TASP1: variants seen among roughly 807,000 people sequenced by gnomAD.
TASP1 encodes the protein taspase 1, also known as threonine aspartase 1.
Under a neutral mutation model 56.6 loss-of-function variants are expected in TASP1, and 16 were observed. The observed-to-expected ratio is 0.28, with a 90% CI of 0.19 to 0.43. The LOEUF is 0.43. Among genes scored for constraint, TASP1 ranks in the 20% least tolerant of loss-of-function variants. TASP1 has a pLI of 1.00. For missense variants in TASP1, 393 were observed against 511.6 expected, an observed-to-expected ratio of 0.77 and a Z score of 2.24; for synonymous variants, 179 against 184.2, an observed-to-expected ratio of 0.97 and a Z score of 0.23.
At chr20:13,539,830 G>T (rs564057454) in intron 8 of TASP1, among the ~76,000 whole-genome samples, 2 of 152,214 alleles carry the variant, frequency 1.3e-5, no homozygotes, top group East Asian at 1.9e-4. Flanking sequence ...GGTGGAAAAG[G>T]CAACAGTTTT....
intron 4 of TASP1, among the ~76,000 whole-genome samples, chr20:13,611,124 A>T (rs2048335059): frequency 6.6e-6 from 1 of 152,228 alleles, no homozygotes; most frequent in African/African-American, 2.4e-5. Flanking sequence ...ACAGCCATAA[A>T]TATTATCCAC....
chr20:13,522,701 T>A (rs1390967489), intron 10 of TASP1, among the ~76,000 whole-genome samples: 1 of 152,072 alleles, frequency 6.6e-6, no homozygotes, highest in South Asian at 2.1e-4. Flanking sequence ...GGAGATAAAA[T>A]TGTAGGAATC....
the TASP1 span, among the ~76,000 whole-genome samples, chr20:13,150,727 C>G: frequency 6.6e-6 from 1 of 152,238 alleles, no homozygotes; most frequent in East Asian, 1.9e-4. Context: ...ACAATCCATT[C>G]ATCTTTCCAG....
chr20:13,358,959 T>A, the TASP1 span, among the ~76,000 whole-genome samples: 3 of 150,772 alleles, frequency 2.0e-5, no homozygotes, highest in African/African-American at 7.4e-5. Context: ...TCTCCTTGTC[T>A]CTACCCCTTC....
chr20:13,410,613 C>T (rs1013667197), intron 13 of TASP1, among the ~76,000 whole-genome samples: 7 of 152,080 alleles, frequency 4.6e-5, no homozygotes, highest in Non-Finnish European at 1.0e-4. Flanking sequence ...GTCTGTTGGC[C>T]ATTTGTATGT....
At chr20:13,469,633 C>T (rs1259072731) in intron 11 of TASP1, among the ~76,000 whole-genome samples, 1 of 151,962 alleles carries the variant, frequency 6.6e-6, no homozygotes, top group Non-Finnish European at 1.5e-5. Context: ...AATGCATCCA[C>T]CATGTCAAAG....
chr20:13,106,846 T>C, the TASP1 span, among the ~76,000 whole-genome samples: 1 of 152,170 alleles, frequency 6.6e-6, no homozygotes, highest in African/African-American at 2.4e-5. Flanking sequence ...AGATCTAGGT[T>C]TGGAACTAGC....
At chr20:13,357,833 T>C in the TASP1 span, among the ~76,000 whole-genome samples, 1 of 152,122 alleles carries the variant, frequency 6.6e-6, no homozygotes. Flanking sequence ...TGCAACAACA[T>C]GGATGCATCT....
chr20:13,512,776 G>A lies in TASP1; in HGVS notation c.874+15657C>T, dbSNP rs2044384669. On this transcript the variant is annotated intron_variant, in intron 10 of 13. Transcript: ENST00000337743. ...TTTGATCCATCTTGAATTAATTTTTGTATAAAGTGTAAGGAAGGGATCCAG... is the reference window on the plus strand; with the variant it reads ...TTTGATCCATCTTGAATTAATTTTTATATAAAGTGTAAGGAAGGGATCCAG... 2.0e-5 allele frequency among the ~76,000 whole-genome samples: 3 copies of A among 152,122 alleles called. No homozygotes were observed. The South Asian group carries it at 6.2e-4, about 32-fold the overall frequency.
At chr20:13,266,068 A>G in the TASP1 span, among the ~76,000 whole-genome samples, 1 of 152,218 alleles carries the variant, frequency 6.6e-6, no homozygotes, top group Non-Finnish European at 1.5e-5. Context: ...ACTCCTTTGC[A>G]GCAGTTCTGT....
the TASP1 span, among the ~76,000 whole-genome samples, chr20:13,361,438 C>T: frequency 6.6e-6 from 1 of 152,088 alleles, no homozygotes; most frequent in Admixed American, 6.6e-5. Flanking sequence ...TTACGGTCCT[C>T]CATCTTCAAG....
At chr20:13,140,345 G>A in the TASP1 span, among the ~76,000 whole-genome samples, 1 of 152,034 alleles carries the variant, frequency 6.6e-6, no homozygotes, top group East Asian at 1.9e-4. Flanking sequence ...GTACTTTTGG[G>A]ACCATAGACG....
chr20:13,164,896 A>ACTT, the TASP1 span: 1 of 1,575,934 alleles, frequency 6.3e-7, no homozygotes, highest in Non-Finnish European at 8.7e-7. Context: ...ACACATAAAG[A>ACTT]CTTTGCGAGA....
At chr20:13,427,171 G>A (rs1022109140) in intron 12 of TASP1, among the ~76,000 whole-genome samples, 8 of 152,100 alleles carry the variant, frequency 5.3e-5, no homozygotes, top group African/African-American at 7.2e-5. Context: ...ATATGTGCTC[G>A]CCAAATTTTT....
the TASP1 span, among the ~76,000 whole-genome samples, chr20:13,326,107 C>T: frequency 4.5e-4 from 68 of 152,276 alleles, no homozygotes; most frequent in Middle Eastern, 6.8e-3. Flanking sequence ...CAGCATAAGG[C>T]CTTTGAGATT....
chr20:13,507,637 C>T (rs200890928), intron 10 of TASP1, among the ~76,000 whole-genome samples: 2 of 152,166 alleles, frequency 1.3e-5, no homozygotes, highest in African/African-American at 2.4e-5. Flanking sequence ...AGAATACTGT[C>T]AAAACATCCA....
chr20:13,416,682 C>T (rs2146059390), intron 13 of TASP1, among the ~76,000 whole-genome samples: 1 of 152,258 alleles, frequency 6.6e-6, no homozygotes, highest in East Asian at 1.9e-4. Flanking sequence ...AGCTTTATAA[C>T]TGAGGTACTT....
the TASP1 span, among the ~76,000 whole-genome samples, chr20:13,252,680 G>A: frequency 1.8e-3 from 269 of 152,176 alleles, no homozygotes; most frequent in African/African-American, 6.2e-3. Context: ...GCTTGAACAC[G>A]GGAGACAGAG....
At chr20:13,106,808 A>G in the TASP1 span, among the ~76,000 whole-genome samples, 9 of 152,184 alleles carry the variant, frequency 5.9e-5, no homozygotes, top group African/African-American at 2.2e-4. Context: ...AGCACAAGAG[A>G]AAGAGTAGAA....
Sources: allele counts gnomAD v4.1 joint callset (sites outside exome capture counted in the v4.1 genomes callset), GRCh38; gene constraint gnomAD v4.1.1; transcripts MANE v1.5; gene names NCBI Gene and HGNC (gene_info 2026-07-23, HGNC 2026-07-21).